The following ARID4A variants were observed in gnomAD, a reference collection of about 807,000 sequenced individuals.
ARID4A encodes AT-rich interaction domain 4A.
In ARID4A, 39 loss-of-function variants were observed where a neutral mutation model predicts 148.6. That is an observed-to-expected ratio of 0.26 (90% CI 0.20 to 0.34). The LOEUF is 0.34. Among genes scored for constraint, ARID4A ranks in the 10% least tolerant of loss-of-function variants. The pLI is 1.00. For synonymous variants in ARID4A, 475 were observed against 481.2 expected (o/e 0.99, Z 0.17); for missense variants, 1,265 against 1,449.1 (o/e 0.87, Z 2.06).
intron 17 of ARID4A, among the ~76,000 whole-genome samples, chr14:58,354,651 C>G (rs893486086): frequency 1.3e-5 from 2 of 150,912 alleles, no homozygotes; most frequent in Admixed American, 6.6e-5. Context: ...CCACTGTACT[C>G]CAGCCTGGAT....
At chr14:58,317,945 G>A (rs890902697) in intron 5 of ARID4A, among the ~76,000 whole-genome samples, 2 of 151,116 alleles carry the variant, frequency 1.3e-5, no homozygotes, top group Non-Finnish European at 2.9e-5. Context: ...ACCAACCTGG[G>A]TAAAATAGCA....
chr14:58,316,726 G>A (rs1225631631), intron 5 of ARID4A, among the ~76,000 whole-genome samples: 2 of 152,142 alleles, frequency 1.3e-5, no homozygotes. Flanking sequence ...GATTACAGGC[G>A]TGTGCCACCA....
intron 5 of ARID4A, among the ~76,000 whole-genome samples, chr14:58,317,323 C>T (rs1388603896): frequency 4.3e-5 from 6 of 139,382 alleles, no homozygotes; most frequent in Non-Finnish European, 9.2e-5. Flanking sequence ...CTTGCTCTGT[C>T]GTAGAGGCTG....
rs371437846 is a variant in ARID4A, at chr14:58,323,474, C to G, written c.450-11C>G. On this transcript the variant is annotated splice_polypyrimidine_tract_variant and intron_variant, in intron 7 of 23. Transcript: ENST00000355431. ...GTGTTAGGATAATGATCAAGTTATT[C>G]TAACTTTTAGTACTGAAGATGAAAA... The G allele has an allele frequency of 5.9e-4, 944 of 1,602,760 alleles. No individual in the cohort carries two copies. The highest frequency in any genetic ancestry group is 7.4e-4 in the Non-Finnish European group (869 of 1,169,932).
intron 7 of ARID4A, among the ~76,000 whole-genome samples, chr14:58,322,963 C>CAAAAAAAAAA (rs386381476): frequency 2.4e-5 from 1 of 42,242 alleles, no homozygotes. Flanking sequence ...ACTCCATTTC[C>CAAAAAAAAAA]AAAAAAAAAA....
intron 11 of ARID4A, among the ~76,000 whole-genome samples, chr14:58,333,386 A>C (rs2033638705): frequency 6.6e-6 from 1 of 152,086 alleles, no homozygotes; most frequent in African/African-American, 2.4e-5. Flanking sequence ...ACTTTGGATA[A>C]ATATAGGAGA....
intron 12 of ARID4A, among the ~76,000 whole-genome samples, chr14:58,345,594 TC>T (rs2034318791): frequency 2.6e-5 from 4 of 152,166 alleles, no homozygotes; most frequent in Admixed American, 1.3e-4. Context: ...TCCTAAACAT[TC>T]TGTGTGGCCT....
intron 20 of ARID4A, 88 bp downstream of exon 20, chr14:58,365,388 CT>C: frequency 6.9e-7 from 1 of 1,439,060 alleles, no homozygotes; most frequent in Non-Finnish European, 9.3e-7. Flanking sequence ...CTGTAAAGTA[CT>C]TTCTTTTTCT....
chr14:58,343,657 C>T (rs2034219089), intron 11 of ARID4A, among the ~76,000 whole-genome samples: 1 of 151,776 alleles, frequency 6.6e-6, no homozygotes, highest in East Asian at 1.9e-4. Context: ...GTGAGACCCC[C>T]TTCTCTATTA....
chr14:58,359,077 A>G, intron 17 of ARID4A, 55 bp from the exon 18 acceptor site: 1 of 1,505,754 alleles, frequency 6.6e-7, no homozygotes. Flanking sequence ...CATTTCAAAA[A>G]GGTTATAATG....
At chr14:58,300,366 C>CGT (rs2031044480) in intron 2 of ARID4A, among the ~76,000 whole-genome samples, 1 of 80,534 alleles carries the variant, frequency 1.2e-5, no homozygotes, top group Non-Finnish European at 2.7e-5. Flanking sequence ...TATTTTAAAA[C>CGT]ATATACTAAA....
intron 11 of ARID4A, among the ~76,000 whole-genome samples, chr14:58,339,069 A>G (rs1234473380): frequency 1.3e-5 from 2 of 148,314 alleles, no homozygotes; most frequent in Admixed American, 6.8e-5. Context: ...GGCTCAAGCC[A>G]TCCTCCCACC....
chr14:58,299,777 T>A (rs1164944031), intron 1 of ARID4A, 21 bp from the exon 2 acceptor site: 1 of 1,600,624 alleles, frequency 6.2e-7, no homozygotes, highest in Non-Finnish European at 8.6e-7. Context: ...TGTCTGTGCC[T>A]GTCTTTCCCC....
chr14:58,370,232 C>G (rs1393745481), intron 23 of ARID4A, among the ~76,000 whole-genome samples: 1 of 152,208 alleles, frequency 6.6e-6, no homozygotes, highest in Non-Finnish European at 1.5e-5. Flanking sequence ...AAAATTTCTT[C>G]AAAGAACCCA....
chr14:58,317,624 CTT>C (rs71107933), intron 5 of ARID4A, among the ~76,000 whole-genome samples: 6 of 69,888 alleles, frequency 8.6e-5, no homozygotes, highest in African/African-American at 1.3e-4. Flanking sequence ...TTATATTTGT[CTT>C]TTTTTTTTTT....
At chr14:58,320,595 T>C (rs1470515237) in intron 7 of ARID4A, among the ~76,000 whole-genome samples, 3 of 150,950 alleles carry the variant, frequency 2.0e-5, no homozygotes, top group Admixed American at 1.3e-4. Flanking sequence ...TTCCATGACA[T>C]TGACTTTTTT....
Position 58,347,648 on chromosome 14 carries a change from T to C in ARID4A, c.1174T>C (p.Tyr392His). ...TTAAATGAAATATTGTTTGTTTAGG[T>C]ATCTCTATGGTTTTGAGGAGTACTG... ...SYNVKTAYRK[Y>H]LYGFEEYCRS... Residue 392 changes from tyrosine to histidine, a missense_variant and splice_region_variant, in exon 15 of 24, where the codon TAT becomes CAT. Coordinates refer to ENST00000355431, the MANE Select transcript of ARID4A (RefSeq NM_002892.4). 1 of 1,563,270 alleles carries C rather than the reference T, an allele frequency of 6.4e-7. No individual in the cohort carries two copies. Among genetic ancestry groups the C allele is most frequent in the Non-Finnish European group, 8.7e-7 (1 of 1,153,254 alleles).
At chr14:58,325,677 T>C (rs1335959179) in intron 8 of ARID4A, among the ~76,000 whole-genome samples, 1 of 152,164 alleles carries the variant, frequency 6.6e-6, no homozygotes. Context: ...TAGACTATAA[T>C]CCTGTAAAGA....
intron 11 of ARID4A, among the ~76,000 whole-genome samples, chr14:58,339,636 A>G (rs528952629): frequency 6.6e-6 from 1 of 152,218 alleles, no homozygotes; most frequent in South Asian, 2.1e-4. Flanking sequence ...AAAATAAGAT[A>G]TCTTATTTTT....
Sources: allele counts gnomAD v4.1 joint callset (sites outside exome capture counted in the v4.1 genomes callset), GRCh38; gene constraint gnomAD v4.1.1; transcripts MANE v1.5; gene names NCBI Gene and HGNC (gene_info 2026-07-23, HGNC 2026-07-21).